Variants in RTKN2 observed in about 807,000 individuals in gnomAD.
RTKN2 encodes rhotekin-2.
RTKN2 carries 69 observed loss-of-function variants against 71.5 expected under a neutral mutation model. The observed-to-expected ratio is 0.96, with a 90% CI of 0.79 to 1.18. The LOEUF (loss-of-function observed/expected upper bound fraction) is 1.18. RTKN2 is among the 50% of genes most tolerant of loss of function. The pLI is 0.00. For synonymous variants in RTKN2, 236 were observed against 236.5 expected (o/e 1.00, Z 0.02); for missense variants, 724 against 719.7 (o/e 1.01, Z -0.07).
rs1841366293 is a variant in RTKN2, at chr10:62,198,095, A to G, written c.1643T>C (p.Leu548Pro). 6.2e-7 allele frequency: 1 copy of G among 1,614,122 alleles called. No individual in the cohort carries two copies. The highest frequency in any genetic ancestry group is 1.7e-5 in the Admixed American group (1 of 60,004). The change falls in exon 12 of 12, where the codon CTA (leucine) becomes CCA (proline). Residue 548 changes from leucine to proline, a missense_variant. Coordinates refer to ENST00000373789, the MANE Select transcript of RTKN2 (RefSeq NM_145307.4). ...CATTGGTTTCTGTAAGTGATGCATT[A>G]GAGTTGATAGTTTGGTATCCAAAGA... is the stretch of plus-strand genomic sequence containing the variant. ...TSSLDTKLST[L>P]MHHLQKPMAA...
At position 62,194,219 on chromosome 10, in the gene RTKN2, C is replaced by G. The variant is rs1264730564; in HGVS notation, c.*3689G>C. On this transcript the variant is annotated 3_prime_UTR_variant, in exon 12 of 12. Transcript: ENST00000373789. ...AATATATTTTCAAATGATGACTTGT[C>G]TTTTAAAAACCCAAAGGTAACATCT... 1.0e-6 allele frequency: 1 copy of G among 984,832 alleles called. No individual in the cohort carries two copies. Among genetic ancestry groups the G allele is most frequent in the Non-Finnish European group, 1.2e-6 (1 of 829,540 alleles). 61.0% of individuals were successfully genotyped at this position (984,832 alleles called of 1,614,324 possible).
chr10:62,195,594 G>A lies in RTKN2; in HGVS notation c.*2314C>T, dbSNP rs1296976758. 7.8e-6 allele frequency: 5 copies of A among 644,718 alleles called. No individual in the cohort carries two copies. The highest frequency in any genetic ancestry group is 1.4e-4 in the East Asian group (1 of 6,902). The allele number at this position is 644,718 out of a possible 1,614,324, so 39.9% of individuals were successfully genotyped here. On this transcript the variant is annotated 3_prime_UTR_variant, in exon 12 of 12. Transcript: ENST00000373789. ...AGGAGGGAAGGAGGGAAGGAGAGAC[G>A]GACAGAGGGAATGAAGGAAGGAAGG...
chr10:62,191,567 T>C (rs1468191646), downstream of RTKN2, among the ~76,000 whole-genome samples: 1 of 152,204 alleles, frequency 6.6e-6, no homozygotes, highest in African/African-American at 2.4e-5. Flanking sequence ...ATAACCTAAG[T>C]TTCCCAGTGG....
At chr10:62,214,883 T>G (rs1841734787) in intron 9 of RTKN2, 1 of 463,978 alleles carries the variant, frequency 2.2e-6, no homozygotes, top group Non-Finnish European at 3.8e-6. Flanking sequence ...TTTTTATCTA[T>G]TTTTTCCTAC....
intron 6 of RTKN2, among the ~76,000 whole-genome samples, chr10:62,225,382 A>ACCT (rs1260049875): frequency 6.6e-6 from 1 of 152,246 alleles, no homozygotes; most frequent in East Asian, 1.9e-4. Context: ...GCCTCACTCA[A>ACCT]CCTCTCCCAG....
At chr10:62,233,522 A>T (rs777724141) in intron 6 of RTKN2, among the ~76,000 whole-genome samples, 38 of 152,132 alleles carry the variant, frequency 2.5e-4, no homozygotes, top group Non-Finnish European at 4.7e-4. Context: ...CAGAATGTAG[A>T]CTGGGACTGA....
intron 6 of RTKN2, among the ~76,000 whole-genome samples, chr10:62,230,313 A>T (rs1842122483): frequency 6.6e-6 from 1 of 152,148 alleles, no homozygotes. Context: ...CTAGGATTAC[A>T]GGCGCTCACC....
At chr10:62,188,882 G>A (rs1841176313), downstream of RTKN2, among the ~76,000 whole-genome samples, 2 of 151,748 alleles carry the variant, frequency 1.3e-5, no homozygotes, top group African/African-American at 4.8e-5. Flanking sequence ...TGAGTAGCTG[G>A]GACTACAGGC....
chr10:62,250,517 G>C (rs932863019), intron 2 of RTKN2, among the ~76,000 whole-genome samples: 4 of 152,134 alleles, frequency 2.6e-5, no homozygotes, highest in Admixed American at 2.0e-4. Flanking sequence ...ACCAAATACA[G>C]TATTCTCTTC....
At chr10:62,231,059 C>T (rs1009632168) in intron 6 of RTKN2, among the ~76,000 whole-genome samples, 1 of 152,116 alleles carries the variant, frequency 6.6e-6, no homozygotes, top group African/African-American at 2.4e-5. Context: ...TTCCTCAAAA[C>T]ATAAATAATC....
chr10:62,211,378 G>A (rs996963833), intron 9 of RTKN2, among the ~76,000 whole-genome samples: 1 of 152,048 alleles, frequency 6.6e-6, no homozygotes, highest in African/African-American at 2.4e-5. Flanking sequence ...GAAAATTAAT[G>A]AACTAACTTA....
In RTKN2 at chr10:62,268,823, C is replaced by T. The variant is rs978465582; in HGVS notation, c.-213G>A. ...CCCGCCGCCGGAAGTTGCCGAGACC[C>T]CAGGCTCTAGCGCGGCGGGGCGGGG... On this transcript the variant is annotated 5_prime_UTR_variant, in exon 1 of 12. Coordinates refer to ENST00000373789, the MANE Select transcript of RTKN2 (RefSeq NM_145307.4). 1.7e-5 allele frequency: 9 copies of T among 540,066 alleles called. No homozygotes were observed. Among genetic ancestry groups the T allele is most frequent in the Middle Eastern group, 4.8e-4 (1 of 2,078 alleles). The allele number at this position is 540,066 out of a possible 1,614,324, so 33.5% of individuals were successfully genotyped here. A position where few individuals can be genotyped will look rare whatever the true frequency, so the allele number is the denominator to read the frequency against.
At chr10:62,192,657 T>C (rs1479367853), downstream of RTKN2, among the ~76,000 whole-genome samples, 4 of 152,188 alleles carry the variant, frequency 2.6e-5, no homozygotes, top group South Asian at 2.1e-4. Flanking sequence ...TGAGGGAGGC[T>C]TGATGCACTG....
intron 3 of RTKN2, among the ~76,000 whole-genome samples, chr10:62,242,049 T>C (rs943261376): frequency 1.3e-5 from 2 of 148,958 alleles, no homozygotes; most frequent in Admixed American, 6.7e-5. Flanking sequence ...GAGTTCACTA[T>C]GTTTGCTAGG....
At chr10:62,256,828 T>G (rs554662772) in intron 2 of RTKN2, among the ~76,000 whole-genome samples, 3 of 152,236 alleles carry the variant, frequency 2.0e-5, no homozygotes, top group African/African-American at 7.2e-5. Context: ...TTTTTACGTA[T>G]GTAAATTTCA....
Position 62,195,577 on chromosome 10 carries a change from A to C in RTKN2, c.*2331T>G, listed in dbSNP as rs1841307494. On this transcript the variant is annotated 3_prime_UTR_variant, in exon 12 of 12. Transcript: ENST00000373789. ...AAGACAAAAAGGAAGGAAGGAGGGA[A>C]GGAGGGAAGGAGAGACGGACAGAGG... 1 of 630,976 alleles carries C rather than the reference A, an allele frequency of 1.6e-6. No homozygotes were observed. The highest frequency in any genetic ancestry group is 2.0e-6 in the Non-Finnish European group (1 of 507,252). The allele number at this position is 630,976 out of a possible 1,614,324, so 39.1% of individuals were successfully genotyped here. A position where few individuals can be genotyped will look rare whatever the true frequency, so the allele number is the denominator to read the frequency against.
intron 2 of RTKN2, among the ~76,000 whole-genome samples, chr10:62,258,773 G>A (rs931677089): frequency 6.6e-6 from 1 of 151,978 alleles, no homozygotes; most frequent in East Asian, 1.9e-4. Context: ...ATTTTCACGG[G>A]TAAGCAAATA....
At chr10:62,202,499 T>C (rs984836288) in intron 10 of RTKN2, among the ~76,000 whole-genome samples, 26 of 152,384 alleles carry the variant, frequency 1.7e-4, no homozygotes, top group Admixed American at 1.0e-3. Flanking sequence ...TTTAGTATGG[T>C]ATAAATACCT....
Position 62,199,769 on chromosome 10 carries a change from C to T in RTKN2, c.1279G>A (p.Val427Ile), listed in dbSNP as rs1392848027. The part of the protein sequence containing the change: ...PLFLTKEATS[V>I]YHDMSIDSPM... ...CCCCACTTACTCATATCATGGTAGA[C>T]TGAGGTTGCCTCTTTTGTCAAGAAC... The change falls in exon 11 of 12, where the codon GTC (valine) becomes ATC (isoleucine). Residue 427 changes from valine to isoleucine, a missense_variant. Physicochemically the swap from Val to Ile is conservative, Grantham distance 29. Coordinates refer to ENST00000373789, the MANE Select transcript of RTKN2 (RefSeq NM_145307.4). 1.2e-6 allele frequency: 2 copies of T among 1,608,272 alleles called. No individual in the cohort carries two copies. Among genetic ancestry groups the T allele is most frequent in the East Asian group, 2.2e-5 (1 of 44,824 alleles).
Sources: gnomAD v4.1 joint callset for allele counts (sites outside exome capture counted in the v4.1 genomes callset) on GRCh38, gnomAD v4.1.1 for gene constraint, MANE v1.5 for transcripts, NCBI Gene and HGNC (gene_info 2026-07-23, HGNC 2026-07-21) for gene names.